The following BCL2L1 variants were observed in gnomAD, a reference collection of about 807,000 sequenced individuals.
BCL2L1 encodes the protein BCL2 like 1, also known as bcl-2-like protein 1.
A neutral mutation model predicts 18.7 loss-of-function variants in BCL2L1; 1 was observed. The observed-to-expected ratio is 0.05, with a 90% CI of 0.02 to 0.25. The LOEUF (loss-of-function observed/expected upper bound fraction) is 0.25, where lower values mean the gene tolerates loss of function less well. Among genes scored for constraint, BCL2L1 ranks in the 10% least tolerant of loss-of-function variants. BCL2L1 has a pLI of 1.00. For missense variants in BCL2L1, 207 were observed against 304.9 expected, an observed-to-expected ratio of 0.68 and a Z score of 2.39; for synonymous variants, 103 against 122.7, an observed-to-expected ratio of 0.84 and a Z score of 1.06.
chr20:31,674,920 G>T (rs918016047), intron 2 of BCL2L1, among the ~76,000 whole-genome samples: 1 of 150,436 alleles, frequency 6.6e-6, no homozygotes, highest in Non-Finnish European at 1.5e-5. Flanking sequence ...GCCCCAGTAT[G>T]TTTGGCAGCA....
intron 2 of BCL2L1, among the ~76,000 whole-genome samples, chr20:31,719,402 C>A (rs1416287999): frequency 6.6e-6 from 1 of 152,154 alleles, no homozygotes; most frequent in Non-Finnish European, 1.5e-5. Flanking sequence ...ACCACAGTAG[C>A]CAGTCGGTGC....
intron 2 of BCL2L1, among the ~76,000 whole-genome samples, chr20:31,701,308 T>C (rs575775231): frequency 6.6e-6 from 1 of 152,312 alleles, no homozygotes; most frequent in Admixed American, 6.5e-5. Context: ...CACCTTGCCC[T>C]CCCAAAGTGC....
intron 2 of BCL2L1, among the ~76,000 whole-genome samples, chr20:31,679,487 T>C (rs1008260675): frequency 6.6e-5 from 10 of 152,154 alleles, no homozygotes; most frequent in African/African-American, 2.4e-4. Flanking sequence ...CCAACCCTAG[T>C]TCTGTGACTA....
At chr20:31,681,968 T>C (rs1258705821) in intron 2 of BCL2L1, among the ~76,000 whole-genome samples, 1 of 152,222 alleles carries the variant, frequency 6.6e-6, no homozygotes, top group Non-Finnish European at 1.5e-5. Context: ...GCTGTGGCTA[T>C]TCCACTTTCA....
At chr20:31,698,711 G>C (rs1387966954) in intron 2 of BCL2L1, among the ~76,000 whole-genome samples, 1 of 151,884 alleles carries the variant, frequency 6.6e-6, no homozygotes, top group African/African-American at 2.4e-5. Context: ...GCTAATTTTT[G>C]TATTTTTTTG....
At chr20:31,671,786 T>C (rs2060672347) in intron 2 of BCL2L1, among the ~76,000 whole-genome samples, 2 of 151,460 alleles carry the variant, frequency 1.3e-5, no homozygotes, top group Admixed American at 6.6e-5. Flanking sequence ...ATAGAGTATA[T>C]AGTATATATA....
chr20:31,668,536 AC>A (rs1021373509), intron 2 of BCL2L1, among the ~76,000 whole-genome samples: 5 of 147,004 alleles, frequency 3.4e-5, no homozygotes, highest in African/African-American at 1.3e-4. Context: ...CAAACTCCTG[AC>A]CTCAAGTGAT....
chr20:31,715,852 G>A (rs1480145520), intron 2 of BCL2L1, among the ~76,000 whole-genome samples: 1 of 152,030 alleles, frequency 6.6e-6, no homozygotes, highest in South Asian at 2.1e-4. Flanking sequence ...TATTTTTTGA[G>A]ACAGGGTCTT....
intron 2 of BCL2L1, among the ~76,000 whole-genome samples, chr20:31,686,004 C>T (rs1457066922): frequency 6.6e-6 from 1 of 152,168 alleles, no homozygotes; most frequent in Non-Finnish European, 1.5e-5. Flanking sequence ...TCCCAAAGAA[C>T]CTGTTCTTTA....
At chr20:31,695,346 C>T (rs991011940) in intron 2 of BCL2L1, among the ~76,000 whole-genome samples, 7 of 152,232 alleles carry the variant, frequency 4.6e-5, no homozygotes, top group African/African-American at 1.7e-4. Flanking sequence ...TGTGGCCCTA[C>T]AAGACCTGGC....
chr20:31,689,236 G>A (rs1181633129), intron 2 of BCL2L1, among the ~76,000 whole-genome samples: 34 of 98,074 alleles, frequency 3.5e-4, no homozygotes, highest in Non-Finnish European at 2.6e-4. Flanking sequence ...AAAAGGAAAG[G>A]AAGAAAGGGG....
intron 2 of BCL2L1, among the ~76,000 whole-genome samples, chr20:31,666,608 G>A (rs952188317): frequency 5.3e-5 from 8 of 152,252 alleles, no homozygotes; most frequent in South Asian, 2.1e-4. Flanking sequence ...TAAATCCCCA[G>A]GGTCATTTGA....
intron 2 of BCL2L1, chr20:31,720,979 C>T: frequency 1.0e-6 from 1 of 985,410 alleles, no homozygotes; most frequent in Non-Finnish European, 1.2e-6. Context: ...GCTCCACAAA[C>T]AAGGCAACCA....
intron 2 of BCL2L1, among the ~76,000 whole-genome samples, chr20:31,678,924 T>G (rs543988486): frequency 6.6e-6 from 1 of 152,276 alleles, no homozygotes; most frequent in East Asian, 1.9e-4. Context: ...AGATGAATGC[T>G]CACACCCCAT....
chr20:31,680,127 G>T (rs1320205583), intron 2 of BCL2L1, among the ~76,000 whole-genome samples: 1 of 152,158 alleles, frequency 6.6e-6, no homozygotes, highest in Non-Finnish European at 1.5e-5. Context: ...TTGCAAGTAG[G>T]TGCTGTTCCC....
At chr20:31,684,384 A>G (rs540978982) in intron 2 of BCL2L1, among the ~76,000 whole-genome samples, 11 of 152,228 alleles carry the variant, frequency 7.2e-5, no homozygotes, top group African/African-American at 2.7e-4. Flanking sequence ...TGAGGTCCAC[A>G]GAGACCAGAG....
rs374318445 is a variant in BCL2L1 at position 31,721,892 on chromosome 20, T to G, written c.327A>C (p.Thr109=). 4.3e-6 allele frequency: 7 copies of G among 1,614,224 alleles called. No individual in the cohort carries two copies. In the East Asian group the frequency reaches 8.9e-5, roughly 21 times the overall value. The change falls in exon 2 of 3, where the codon ACA becomes ACC. Residue 109 remains threonine, a synonymous_variant. Transcript: ENST00000307677. ...LRYRRAFSDL[T]SQLHITPGTA... ...TCCCTGGGGTGATGTGGAGCTGGGA[T>G]GTCAGGTCACTGAATGCCCGCCGGT...
chr20:31,709,360 T>A (rs1393230013), intron 2 of BCL2L1, among the ~76,000 whole-genome samples: 2 of 151,986 alleles, frequency 1.3e-5, no homozygotes, highest in Non-Finnish European at 2.9e-5. Context: ...ACTAGCCTGA[T>A]CTTTTTGGTG....
chr20:31,688,645 G>A (rs900191788), intron 2 of BCL2L1, among the ~76,000 whole-genome samples: 1 of 152,040 alleles, frequency 6.6e-6, no homozygotes, highest in Non-Finnish European at 1.5e-5. Context: ...CTTGGCCCCA[G>A]TAATTCCACT....
Sources: gnomAD v4.1 joint callset for allele counts (sites outside exome capture counted in the v4.1 genomes callset) on GRCh38, gnomAD v4.1.1 for gene constraint, MANE v1.5 for transcripts, NCBI Gene and HGNC (gene_info 2026-07-23, HGNC 2026-07-21) for gene names.